CLASP1: variants seen among roughly 807,000 people sequenced by gnomAD.
CLASP1 encodes CLIP-associating protein 1.
Under a neutral mutation model 192.3 loss-of-function variants are expected in CLASP1, and 38 were observed. That is an observed-to-expected ratio of 0.20 (90% CI 0.15 to 0.26). CLASP1 has a LOEUF of 0.26. Among genes scored for constraint, CLASP1 ranks in the 10% least tolerant of loss-of-function variants. The pLI is 1.00. For synonymous variants in CLASP1, 691 were observed against 712.8 expected (o/e 0.97, Z 0.49); for missense variants, 1,433 against 1,932.5 (o/e 0.74, Z 4.85).
intron 8 of CLASP1, chr2:121,470,326 C>CA: frequency 2.4e-6 from 1 of 414,022 alleles, no homozygotes. Context: ...TTTTTGAAGA[C>CA]AGAGTCTCAC....
At chr2:121,356,706 T>C (rs999399807) in intron 37 of CLASP1, among the ~76,000 whole-genome samples, 2 of 152,210 alleles carry the variant, frequency 1.3e-5, no homozygotes, top group Non-Finnish European at 2.9e-5. Context: ...CCAGGAAGCT[T>C]TGAAGATCTT....
At chr2:121,504,277 C>G (rs1168103235) in intron 7 of CLASP1, among the ~76,000 whole-genome samples, 1 of 151,992 alleles carries the variant, frequency 6.6e-6, no homozygotes, top group African/African-American at 2.4e-5. Context: ...CACAGGTATA[C>G]TGGAGTAAGT....
chr2:121,638,676 T>A (rs921174037), intron 1 of CLASP1, among the ~76,000 whole-genome samples: 42 of 151,990 alleles, frequency 2.8e-4, no homozygotes, highest in Non-Finnish European at 5.2e-4. Context: ...TTTTATTTTT[T>A]TTTTTTTTGA....
chr2:121,547,280 C>T (rs1396520235), intron 2 of CLASP1, among the ~76,000 whole-genome samples: 1 of 152,168 alleles, frequency 6.6e-6, no homozygotes, highest in Admixed American at 6.5e-5. Context: ...ACTGCCGCTG[C>T]GGTGGAACTG....
At chr2:121,635,594 G>A (rs1266671568) in intron 1 of CLASP1, among the ~76,000 whole-genome samples, 2 of 152,164 alleles carry the variant, frequency 1.3e-5, no homozygotes, top group African/African-American at 2.4e-5. Flanking sequence ...ATCTCTTAGG[G>A]CAAGTAACAT....
intron 1 of CLASP1, among the ~76,000 whole-genome samples, chr2:121,648,090 T>C (rs942684573): frequency 1.3e-5 from 2 of 152,246 alleles, no homozygotes; most frequent in African/African-American, 4.8e-5. Context: ...CTACTTTTTA[T>C]CTATATGGTC....
chr2:121,529,264 G>C (rs6541781), intron 3 of CLASP1, among the ~76,000 whole-genome samples: 37,768 of 152,010 alleles, frequency 0.25, 7,423 homozygotes, highest in African/African-American at 0.54. Flanking sequence ...CATCTTCCCC[G>C]ACATACCCAG....
At chr2:121,624,795 A>C (rs759259314) in intron 1 of CLASP1, among the ~76,000 whole-genome samples, 1 of 152,170 alleles carries the variant, frequency 6.6e-6, no homozygotes, top group Non-Finnish European at 1.5e-5. Context: ...CTATTTTAAA[A>C]CGTACAATTA....
chr2:121,515,160 T>C (rs2094251403), intron 7 of CLASP1, among the ~76,000 whole-genome samples: 1 of 152,254 alleles, frequency 6.6e-6, no homozygotes, highest in Admixed American at 6.5e-5. Flanking sequence ...GTCTTGGGTC[T>C]GATGAGACGC....
At chr2:121,515,615 G>A in intron 7 of CLASP1, 50 bp downstream of exon 7, 2 of 1,380,102 alleles carry the variant, frequency 1.4e-6, no homozygotes, top group East Asian at 2.3e-5. Context: ...GGAAAACAAA[G>A]GGGGCGGGGG....
intron 8 of CLASP1, 26 bp from the exon 9 acceptor site, chr2:121,469,986 GTT>G: frequency 1.3e-6 from 2 of 1,580,022 alleles, no homozygotes; most frequent in Non-Finnish European, 8.6e-7. Context: ...AGAAACCAAC[GTT>G]TTTTTAAAAA....
rs550040370 is a variant in CLASP1, at chr2:121,562,334, T to C, written c.196-32009A>G. ...AAGGATTTGAGTTCTTCAGAGGACT[T>C]GGGGAACTGACTTATAGAAAATGCT... On this transcript the variant is annotated intron_variant, in intron 2 of 39. Transcript: ENST00000263710. Among the ~76,000 whole-genome samples, 4 of 152,340 alleles carry C rather than the reference T, an allele frequency of 2.6e-5. No individual in the cohort carries two copies. The South Asian group carries it at 8.3e-4, about 32-fold the overall frequency.
At chr2:121,381,023 A>G (rs2071511865) in intron 33 of CLASP1, among the ~76,000 whole-genome samples, 1 of 151,496 alleles carries the variant, frequency 6.6e-6, no homozygotes, top group Non-Finnish European at 1.5e-5. Flanking sequence ...AGCTAACCTT[A>G]AAAAAAAGAA....
chr2:121,646,776 G>A (rs1439919809), intron 1 of CLASP1, among the ~76,000 whole-genome samples: 3 of 152,108 alleles, frequency 2.0e-5, no homozygotes, highest in South Asian at 2.1e-4. Flanking sequence ...GGTGGCTCAC[G>A]CCTGTAATCC....
At chr2:121,639,213 C>T (rs2071541663) in intron 1 of CLASP1, among the ~76,000 whole-genome samples, 1 of 151,816 alleles carries the variant, frequency 6.6e-6, no homozygotes, top group Non-Finnish European at 1.5e-5. Context: ...GGAGGCAGAG[C>T]TTGCAGTGAG....
In CLASP1 at chr2:121,500,394, A is replaced by AAGAAAG. The variant is rs2093709153; in HGVS notation, c.712+2772_712+2773insCTTTCT. ...AAAGAAAGAAAGAAAGAAAGAAAGA[A>AAGAAAG]AGAAAAGAAAGAAAGAAAGAAAAAA... On this transcript the variant is annotated intron_variant, in intron 8 of 39. Coordinates refer to ENST00000263710, the Ensembl canonical transcript of CLASP1. 2.7e-5 allele frequency among the ~76,000 whole-genome samples: 4 copies of AAGAAAG among 149,286 alleles called. No individual in the cohort carries two copies. In the East Asian group the frequency reaches 7.9e-4, roughly 29 times the overall value.
chr2:121,629,051 T>G (rs1018814968), intron 1 of CLASP1, among the ~76,000 whole-genome samples: 12 of 152,204 alleles, frequency 7.9e-5, no homozygotes, highest in Non-Finnish European at 1.5e-4. Context: ...TAAATTACAG[T>G]ACATCCGTAC....
intron 6 of CLASP1, among the ~76,000 whole-genome samples, chr2:121,519,619 G>A (rs2150377431): frequency 6.6e-6 from 1 of 152,358 alleles, no homozygotes; most frequent in African/African-American, 2.4e-5. Context: ...CTTTATGCCA[G>A]CAGTTTGTGA....
intron 14 of CLASP1, among the ~76,000 whole-genome samples, chr2:121,457,458 T>TAA (rs140990865): frequency 7.0e-6 from 1 of 143,450 alleles, no homozygotes; most frequent in African/African-American, 2.5e-5. Flanking sequence ...CACACAGACA[T>TAA]ACACACACAC....
Sources: allele counts gnomAD v4.1 joint callset (sites outside exome capture counted in the v4.1 genomes callset), GRCh38; gene constraint gnomAD v4.1.1; transcripts MANE v1.5; gene names NCBI Gene and HGNC (gene_info 2026-07-23, HGNC 2026-07-21).